MYOM2: variants seen among roughly 807,000 people sequenced by gnomAD.
MYOM2 encodes myomesin 2.
Under a neutral mutation model 187.6 loss-of-function variants are expected in MYOM2, and 254 were observed. The observed-to-expected ratio is 1.35, with a 90% CI of 1.22 to 1.50. MYOM2 has a LOEUF of 1.50. Among genes scored for constraint, MYOM2 ranks in the 40% most tolerant of loss-of-function variants. The pLI, the probability that MYOM2 is intolerant of heterozygous loss-of-function variation, is 0.00. For missense variants in MYOM2, 2,796 were observed against 1,924.0 expected (o/e 1.45, Z -8.48); for synonymous variants, 981 against 753.8 (o/e 1.30, Z -4.94).
At chr8:2,142,285 G>A (rs1563086428) in intron 34 of MYOM2, 90 bp from the exon 35 acceptor site, 8 of 1,266,964 alleles carry the variant, frequency 6.3e-6, no homozygotes, top group Admixed American at 1.7e-5. Flanking sequence ...TTGCTTCATC[G>A]CTAGTGAGCC....
intron 28 of MYOM2, among the ~76,000 whole-genome samples, chr8:2,120,553 C>T (rs1797388720): frequency 6.7e-6 from 1 of 148,266 alleles, no homozygotes; most frequent in Admixed American, 6.8e-5. Context: ...TTGAACACAC[C>T]CTAGATAGGT....
chr8:2,080,191 C>G (rs1397163902), intron 13 of MYOM2, among the ~76,000 whole-genome samples: 1 of 152,170 alleles, frequency 6.6e-6, no homozygotes, highest in African/African-American at 2.4e-5. Flanking sequence ...TTTAACTGGA[C>G]TTAGAGTTCA....
At chr8:2,050,686 A>G (rs1818452872) in intron 1 of MYOM2, 69 bp from the exon 2 acceptor site, 3 of 901,442 alleles carry the variant, frequency 3.3e-6, no homozygotes, top group Non-Finnish European at 5.4e-6. Flanking sequence ...CTTTGGAATG[A>G]TGCAGAAATG....
intron 32 of MYOM2, among the ~76,000 whole-genome samples, chr8:2,138,838 A>C (rs1798172970): frequency 6.6e-6 from 1 of 152,126 alleles, no homozygotes; most frequent in South Asian, 2.1e-4. Context: ...GGTGAAGCCA[A>C]TCCCACAAAA....
intron 25 of MYOM2, among the ~76,000 whole-genome samples, chr8:2,114,161 G>T (rs1462259105): frequency 6.6e-6 from 1 of 152,260 alleles, no homozygotes; most frequent in Non-Finnish European, 1.5e-5. Flanking sequence ...AAGCTGCACT[G>T]TTGCAGAGAG....
chr8:2,097,565 A>G (rs1796536993), intron 18 of MYOM2, among the ~76,000 whole-genome samples: 1 of 152,162 alleles, frequency 6.6e-6, no homozygotes, highest in African/African-American at 2.4e-5. Flanking sequence ...CCCAGGCTGG[A>G]GTGCAGTGGC....
chr8:2,121,096 A>G (rs1426920202), intron 28 of MYOM2, among the ~76,000 whole-genome samples: 1 of 152,190 alleles, frequency 6.6e-6, no homozygotes, highest in Non-Finnish European at 1.5e-5. Context: ...GTGACTGATG[A>G]TAGCCTGTGT....
chr8:2,073,834 G>A (rs371950757), intron 10 of MYOM2, among the ~76,000 whole-genome samples: 15 of 152,316 alleles, frequency 9.8e-5, no homozygotes, highest in South Asian at 4.1e-4. Flanking sequence ...AACGTAGCCC[G>A]AGGATGAAGA....
chr8:2,099,049 GC>G, intron 19 of MYOM2, 66 bp downstream of exon 19: 1 of 1,512,324 alleles, frequency 6.6e-7, no homozygotes, highest in Non-Finnish European at 8.9e-7. Context: ...GGCCTCTGTG[GC>G]TGCGACTCTG....
At chr8:2,073,096 C>A (rs1344593619) in intron 9 of MYOM2, among the ~76,000 whole-genome samples, 1 of 152,190 alleles carries the variant, frequency 6.6e-6, no homozygotes, top group African/African-American at 2.4e-5. Context: ...GGCGGCCGCT[C>A]GCAGCACGTC....
intron 13 of MYOM2, among the ~76,000 whole-genome samples, chr8:2,083,475 C>T (rs1484485648): frequency 3.3e-5 from 5 of 149,684 alleles, no homozygotes; most frequent in South Asian, 2.1e-4. Flanking sequence ...AGCACCATCT[C>T]GCATATGTCT....
At chr8:2,077,317 A>AC (rs1390712997) in intron 11 of MYOM2, among the ~76,000 whole-genome samples, 2 of 152,184 alleles carry the variant, frequency 1.3e-5, no homozygotes, top group African/African-American at 4.8e-5. Context: ...ATCAAAAAAA[A>AC]CAAAACAAAA....
Position 2,085,318 on chromosome 8 carries a change from A to T in MYOM2, c.1572A>T (p.Arg524Ser), listed in dbSNP as rs1401710772. Residue 524 changes from arginine (R) to serine (S), a missense_variant, in exon 14 of 37, where the codon AGA becomes AGT. By Grantham distance (110) the Arg-to-Ser change is moderately radical. Transcript: ENST00000262113. ...PTGVHASEISRNYVVLSWEPP... is the reference protein window; with the variant it reads ...PTGVHASEISSNYVVLSWEPP... ...GTGTGCACGCTTCCGAGATCAGCAG[A>T]AACTATGTCGTCCTCAGCTGGGAGC... 1.2e-6 allele frequency: 2 copies of T among 1,614,008 alleles called. No homozygotes were observed. Among genetic ancestry groups the T allele is most frequent in the South Asian group, 1.1e-5 (1 of 91,066 alleles).
intron 1 of MYOM2, among the ~76,000 whole-genome samples, chr8:2,047,208 C>T (rs1434311273): frequency 6.6e-6 from 1 of 152,132 alleles, no homozygotes; most frequent in Admixed American, 6.5e-5. Flanking sequence ...CCCTGTGCTG[C>T]CAGGGCTGCA....
chr8:2,115,609 T>C (rs928393320), intron 25 of MYOM2, among the ~76,000 whole-genome samples: 1 of 152,228 alleles, frequency 6.6e-6, no homozygotes, highest in Non-Finnish European at 1.5e-5. Flanking sequence ...TGTCATCAGC[T>C]GGTGATCGTT....
intron 6 of MYOM2, among the ~76,000 whole-genome samples, chr8:2,062,193 A>G (rs1447511879): frequency 6.6e-6 from 1 of 152,188 alleles, no homozygotes; most frequent in Non-Finnish European, 1.5e-5. Context: ...GGCCCTGCAG[A>G]TCACGGGGAC....
rs769921447 is a variant in MYOM2 at position 2,140,843 on chromosome 8, T to C, written c.3921T>C (p.Asp1307=). Residue 1307 remains aspartate, a synonymous_variant, in exon 33 of 37, where the codon GAT becomes GAC. Coordinates refer to ENST00000262113, the MANE Select transcript of MYOM2 (RefSeq NM_003970.4). ...GAAAATACACTTTTGAGATTTTCGA[T>C]GGCAAAGACAACCATCAACGCTCCC... The part of the protein sequence containing the change: ...DKGKYTFEIF[D]GKDNHQRSLD... 2.6e-5 allele frequency: 42 copies of C among 1,614,036 alleles called. No homozygotes were observed. Among genetic ancestry groups the C allele is most frequent in the Non-Finnish European group, 3.4e-5 (40 of 1,179,992 alleles).
At chr8:2,082,548 G>A (rs1194671711) in intron 13 of MYOM2, among the ~76,000 whole-genome samples, 1 of 151,956 alleles carries the variant, frequency 6.6e-6, no homozygotes. Flanking sequence ...TTTAATCTTG[G>A]GCAATGTCTT....
chr8:2,118,273 C>T lies in MYOM2; in HGVS notation c.3453+321C>T, dbSNP rs1797313644. Among the ~76,000 whole-genome samples the T allele has an allele frequency of 3.9e-5, 6 of 152,158 alleles. No homozygotes were observed. The South Asian group carries it at 1.2e-3, about 31-fold the overall frequency. ...CCCTGGTGAAATACACCTAGAAGTG[C>T]TGCTCATACGAGTTCATCAGGAAAG... is the stretch of plus-strand genomic sequence containing the variant. On this transcript the variant is annotated intron_variant, in intron 28 of 36. Coordinates refer to ENST00000262113, the MANE Select transcript of MYOM2 (RefSeq NM_003970.4).
Sources: allele counts gnomAD v4.1 joint callset (sites outside exome capture counted in the v4.1 genomes callset), GRCh38; gene constraint gnomAD v4.1.1; transcripts MANE v1.5; gene names NCBI Gene and HGNC (gene_info 2026-07-23, HGNC 2026-07-21).